The following JCAD variants were observed in gnomAD, a reference collection of about 807,000 sequenced individuals.
JCAD encodes the protein junctional cadherin 5 associated, also known as junctional cadherin 5-associated protein.
A neutral mutation model predicts 98.0 loss-of-function variants in JCAD; 40 were observed. That is an observed-to-expected ratio of 0.41 (90% CI 0.32 to 0.53). The LOEUF (loss-of-function observed/expected upper bound fraction) is 0.53, where lower values mean the gene tolerates loss of function less well. Among genes scored for constraint, JCAD ranks in the 20% least tolerant of loss-of-function variants. JCAD has a pLI of 0.31. For synonymous variants in JCAD, 691 were observed against 682.3 expected (o/e 1.01, Z -0.20); for missense variants, 1,705 against 1,738.1 (o/e 0.98, Z 0.34).
At chr10:30,043,308 C>A (rs1191829805) in intron 2 of JCAD, among the ~76,000 whole-genome samples, 3 of 150,622 alleles carry the variant, frequency 2.0e-5, no homozygotes, top group Non-Finnish European at 3.0e-5. Flanking sequence ...CTAGAAGTCC[C>A]TCGAGTAAGA....
chr10:30,104,188 G>T (rs1275728989), intron 1 of JCAD, among the ~76,000 whole-genome samples: 1 of 152,190 alleles, frequency 6.6e-6, no homozygotes, highest in African/African-American at 2.4e-5. Flanking sequence ...TGAGAGGGTT[G>T]CAGGTGGGAG....
chr10:30,040,076 C>T (rs1012247904), intron 2 of JCAD, among the ~76,000 whole-genome samples: 2 of 152,128 alleles, frequency 1.3e-5, no homozygotes, highest in African/African-American at 4.8e-5. Context: ...GCGGGTGGCA[C>T]ACAGGAAAGG....
intron 1 of JCAD, among the ~76,000 whole-genome samples, chr10:30,099,736 C>A (rs1269704474): frequency 6.6e-6 from 1 of 152,098 alleles, no homozygotes; most frequent in African/African-American, 2.4e-5. Context: ...TTCTAAATTT[C>A]TTTTCAAAGA....
Position 30,100,973 on chromosome 10 carries a change from G to A in JCAD, n.128+14394C>T, listed in dbSNP as rs1379086288. 2.0e-5 allele frequency among the ~76,000 whole-genome samples: 3 copies of A among 152,174 alleles called. No homozygotes were observed. The East Asian group carries it at 5.8e-4, about 29-fold the overall frequency. ...TTCAAAGATTTTCTAACTGGCAATT[G>A]GTTGAAAGAGTTATTATCAATAAAA... On this transcript the variant is annotated intron_variant and non_coding_transcript_variant, in intron 1 of 2. Transcript: ENST00000465712.
In JCAD at chr10:30,047,759, G is replaced by A. The variant is rs750546675; in HGVS notation, c.54C>T (p.Asp18=). ...GGTTATCCTCGCGTGATGCTGGGGG[G>A]TCTCTTGACAGCTTGTATCCATGAG... The part of the protein sequence containing the change: ...LISHGYKLSR[D]PPASREDNPK... The change falls in exon 2 of 4, where the codon GAC becomes GAT. Residue 18 remains aspartate, a synonymous_variant. Coordinates refer to ENST00000375377, the MANE Select transcript of JCAD (RefSeq NM_020848.4). 3.7e-6 allele frequency: 6 copies of A among 1,614,044 alleles called. No individual in the cohort carries two copies. The Admixed American group carries it at 5.0e-5, about 13-fold the overall frequency.
Position 30,027,093 on chromosome 10 carries a change from G to A in JCAD, c.3055C>T (p.Pro1019Ser). The A allele has an allele frequency of 1.9e-6, 3 of 1,614,204 alleles. No homozygotes were observed. The highest frequency in any genetic ancestry group is 2.5e-6 in the Non-Finnish European group (3 of 1,180,036). Residue 1019 changes from proline (P) to serine (S), a missense_variant, in exon 3 of 4, where the codon CCT (proline) becomes TCT (serine). Physicochemically the swap from Pro to Ser is moderately conservative, Grantham distance 74. Coordinates refer to ENST00000375377, the MANE Select transcript of JCAD (RefSeq NM_020848.4). Reference sequence around the variant, plus strand: ...TCTCCACCACTGTCAAACTTCCGAGGGACCGCTTCACTTGGTTTCACAGAG... The same window carrying A: ...TCTCCACCACTGTCAAACTTCCGAGAGACCGCTTCACTTGGTTTCACAGAG... ...FSSVKPSEAV[P>S]RKFDSGGERG...
At chr10:30,089,117 G>A (rs2132692678) in intron 1 of JCAD, among the ~76,000 whole-genome samples, 1 of 152,282 alleles carries the variant, frequency 6.6e-6, no homozygotes, top group East Asian at 1.9e-4. Flanking sequence ...ATAAATCATT[G>A]TAAGTATGAT....
intron 2 of JCAD, among the ~76,000 whole-genome samples, chr10:30,040,830 A>G (rs1774238): frequency 0.98 from 149,057 of 152,156 alleles, 73,024 homozygotes; most frequent in East Asian, 1. Context: ...CGGCTGGACC[A>G]GAAGACCCAC....
At chr10:30,094,008 G>A (rs528870347) in intron 1 of JCAD, among the ~76,000 whole-genome samples, 3 of 152,204 alleles carry the variant, frequency 2.0e-5, no homozygotes, top group East Asian at 1.9e-4. Flanking sequence ...CACTTTGCTC[G>A]GCTCATGAGG....
rs1461889394 is a variant in JCAD, at chr10:30,021,489, A to T, written c.4046-3572T>A. Among the ~76,000 whole-genome samples, 3 of 152,176 alleles carry T rather than the reference A, an allele frequency of 2.0e-5. No homozygotes were observed. In the East Asian group the frequency reaches 5.8e-4, roughly 29 times the overall value. On this transcript the variant is annotated intron_variant, in intron 3 of 3. Transcript: ENST00000375377. The stretch of plus-strand genomic sequence containing the variant: ...TTACAATCATGAGCCGCCATGCCCA[A>T]CCATCATTATTTTAAATGTTCTAGT...
At chr10:30,053,839 G>A (rs531491898) in intron 1 of JCAD, among the ~76,000 whole-genome samples, 1 of 151,988 alleles carries the variant, frequency 6.6e-6, no homozygotes, top group South Asian at 2.1e-4. Flanking sequence ...GAGGTGGGCA[G>A]ACCACCCGAG....
chr10:30,031,372 C>T (rs1349204315), intron 2 of JCAD, among the ~76,000 whole-genome samples: 3 of 151,634 alleles, frequency 2.0e-5, no homozygotes, highest in Non-Finnish European at 4.4e-5. Flanking sequence ...CTCAAGAAAT[C>T]CTCCCACCTC....
At chr10:30,025,969 G>C in intron 3 of JCAD, 134 bp downstream of exon 3, 1 of 1,018,116 alleles carries the variant, frequency 9.8e-7, no homozygotes, top group Non-Finnish European at 1.5e-6. Flanking sequence ...GGAATCTTTT[G>C]ATAAAACAAT....
intron 3 of JCAD, 100 bp from the exon 4 acceptor site, chr10:30,018,017 C>A: frequency 1.2e-6 from 1 of 869,418 alleles, no homozygotes. Flanking sequence ...ACAAAATCTA[C>A]AAGTGTATAA....
chr10:30,071,815 C>T (rs972359879), intron 1 of JCAD, among the ~76,000 whole-genome samples: 1 of 152,102 alleles, frequency 6.6e-6, no homozygotes, highest in African/African-American at 2.4e-5. Context: ...CAAGTTTTTA[C>T]ATGCAGATTT....
chr10:30,072,669 T>C (rs1253557148), intron 1 of JCAD, among the ~76,000 whole-genome samples: 1 of 152,022 alleles, frequency 6.6e-6, no homozygotes, highest in East Asian at 1.9e-4. Context: ...TTTTTTTTTT[T>C]TGAGACAGAG....
chr10:30,099,452 A>G (rs758082157), intron 1 of JCAD, among the ~76,000 whole-genome samples: 8 of 152,010 alleles, frequency 5.3e-5, no homozygotes, highest in Non-Finnish European at 1.0e-4. Flanking sequence ...TTTAGTACCA[A>G]TTTCTTGATA....
chr10:30,028,925 G>T lies in JCAD; in HGVS notation c.1223C>A (p.Pro408His), dbSNP rs577174021. 140 of 1,614,120 alleles carry T rather than the reference G, an allele frequency of 8.7e-5. 1 individual carries two copies. The South Asian group carries it at 1.4e-3, about 16-fold the overall frequency. Reference protein sequence around the residue: ...GVSPRLPQGLPAHPRPVTAYD... With the variant: ...GVSPRLPQGLHAHPRPVTAYD... ...GGCAGTGACAGGTCGGGGATGTGCG[G>T]GGAGCCCCTGAGGCAAGCGGGGGCT... Residue 408 changes from proline to histidine, a missense_variant, in exon 3 of 4, where the codon CCC (proline) becomes CAC (histidine). Transcript: ENST00000375377.
Position 30,013,415 on chromosome 10 carries a change from G to C in JCAD, c.*4468C>G, listed in dbSNP as rs1836466609. ...CTTAACTTCTCTGACAGGCCTGACT[G>C]TGAGGGCTCGAATTTCAGCTGACCT... On this transcript the variant is annotated 3_prime_UTR_variant, in exon 4 of 4. Coordinates refer to ENST00000375377, the MANE Select transcript of JCAD (RefSeq NM_020848.4). 1 of 152,150 alleles carries C rather than the reference G, an allele frequency of 6.6e-6. No homozygotes were observed. Among genetic ancestry groups the C allele is most frequent in the Non-Finnish European group, 1.5e-5 (1 of 68,044 alleles). 9.4% of individuals were successfully genotyped at this position (152,150 alleles called of 1,614,324 possible).
Sources: allele counts gnomAD v4.1 joint callset (sites outside exome capture counted in the v4.1 genomes callset), GRCh38; gene constraint gnomAD v4.1.1; transcripts MANE v1.5; gene names NCBI Gene and HGNC (gene_info 2026-07-23, HGNC 2026-07-21).